The following PATJ variants were observed in gnomAD, a reference collection of about 807,000 sequenced individuals.
The protein encoded by PATJ is PATJ crumbs cell polarity complex component.
In PATJ, 190 loss-of-function variants were observed where a neutral mutation model predicts 224.9. The observed-to-expected ratio is 0.84, with a 90% CI of 0.75 to 0.95. The LOEUF is 0.95. Among genes scored for constraint, PATJ ranks in the 40% least tolerant of loss-of-function variants. PATJ has a pLI of 0.00. For synonymous variants in PATJ, 769 were observed against 820.3 expected (o/e 0.94, Z 1.07); for missense variants, 2,121 against 2,270.3 (o/e 0.93, Z 1.34).
chr1:62,065,061 C>CAA (rs1656181144), intron 31 of PATJ, among the ~76,000 whole-genome samples: 1 of 152,164 alleles, frequency 6.6e-6, no homozygotes, highest in African/African-American at 2.4e-5. Context: ...TTCTTTATCT[C>CAA]TTGTATTCCT....
chr1:61,763,065 G>A lies in PATJ; in HGVS notation c.75G>A (p.Glu25=). 2 of 1,611,626 alleles carry A rather than the reference G, an allele frequency of 1.2e-6. No individual in the cohort carries two copies. Among genetic ancestry groups the A allele is most frequent in the South Asian group, 2.2e-5 (2 of 90,750 alleles). The change falls in exon 3 of 44, where the codon GAG becomes GAA. Residue 25 remains glutamate, a synonymous_variant. Coordinates refer to ENST00000642238, the MANE Select transcript of PATJ (RefSeq NM_001350145.3). The stretch of plus-strand genomic sequence containing the variant: ...ATCGCCTGAAAATGAAATTGCAGGA[G>A]AAGGGTGACACGTCGCAGAATGAGA... ...VLDRLKMKLQ[E]KGDTSQNEKL...
intron 17 of PATJ, among the ~76,000 whole-genome samples, chr1:61,839,596 C>A (rs1313636427): frequency 2.0e-5 from 3 of 151,518 alleles, no homozygotes; most frequent in African/African-American, 7.3e-5. Context: ...TTAAACATGG[C>A]AAGTAGATAT....
chr1:61,950,174 A>T (rs1679427035), intron 27 of PATJ, among the ~76,000 whole-genome samples: 1 of 152,242 alleles, frequency 6.6e-6, no homozygotes. Context: ...GCTGCACTCC[A>T]GCTTGGGTGA....
At chr1:61,914,350 G>C (rs1265406706) in intron 25 of PATJ, among the ~76,000 whole-genome samples, 1 of 152,160 alleles carries the variant, frequency 6.6e-6, no homozygotes, top group Non-Finnish European at 1.5e-5. Context: ...CAGCTACTCA[G>C]GAGGCTGAGG....
chr1:62,069,304 G>A (rs975104588), intron 31 of PATJ, among the ~76,000 whole-genome samples: 2 of 152,252 alleles, frequency 1.3e-5, no homozygotes, highest in South Asian at 4.1e-4. Flanking sequence ...TAATAATTTA[G>A]CCTCTCTGTG....
chr1:61,807,173 A>G (rs1324871324), intron 13 of PATJ, among the ~76,000 whole-genome samples: 1 of 152,090 alleles, frequency 6.6e-6, no homozygotes, highest in Non-Finnish European at 1.5e-5. Flanking sequence ...AACAAAACAA[A>G]AAACAAAAAA....
At chr1:61,745,704 A>G (rs1342829844) in intron 1 of PATJ, among the ~76,000 whole-genome samples, 4 of 151,778 alleles carry the variant, frequency 2.6e-5, no homozygotes, top group African/African-American at 9.7e-5. Context: ...CCCAGGGTCA[A>G]GCGCTTCTCT....
intron 31 of PATJ, among the ~76,000 whole-genome samples, chr1:62,058,037 T>C (rs1397128412): frequency 6.6e-6 from 1 of 152,252 alleles, no homozygotes; most frequent in Non-Finnish European, 1.5e-5. Flanking sequence ...TTTTTCAAAT[T>C]TCCAGTGGTA....
At chr1:62,081,660 T>C (rs1380662995) in intron 32 of PATJ, among the ~76,000 whole-genome samples, 1 of 151,526 alleles carries the variant, frequency 6.6e-6, no homozygotes, top group African/African-American at 2.4e-5. Context: ...CTCTGCCTCC[T>C]GGGTTCAAGT....
chr1:62,137,700 A>G lies in PATJ; in HGVS notation c.5271+8755A>G, dbSNP rs1667093169. ...GGGGGGATAGCAGTTTGTGGGGGGA[A>G]CACAGATTGAGAGGGAAGCAGGCTT... On this transcript the variant is annotated intron_variant, in intron 41 of 43. Transcript: ENST00000642238. Among the ~76,000 whole-genome samples the G allele has an allele frequency of 3.4e-5, 5 of 145,354 alleles. No homozygotes were observed. The South Asian group carries it at 1.2e-3, about 35-fold the overall frequency.
At chr1:61,956,447 C>A (rs1314919645) in intron 27 of PATJ, among the ~76,000 whole-genome samples, 1 of 152,110 alleles carries the variant, frequency 6.6e-6, no homozygotes, top group Non-Finnish European at 1.5e-5. Context: ...TGGAATCTTA[C>A]AAAAGCCAGT....
At chr1:62,128,641 T>A (rs748998190) in intron 40 of PATJ, among the ~76,000 whole-genome samples, 200 bp from the exon 41 acceptor site, 4 of 152,174 alleles carry the variant, frequency 2.6e-5, no homozygotes, top group African/African-American at 7.2e-5. Context: ...TGTGACCCCC[T>A]TCTTGTTGCT....
At chr1:62,135,471 G>A (rs1036140074) in intron 41 of PATJ, among the ~76,000 whole-genome samples, 3 of 134,810 alleles carry the variant, frequency 2.2e-5, no homozygotes, top group African/African-American at 8.5e-5. Flanking sequence ...AGATGAGATC[G>A]CGCCACTGCA....
intron 33 of PATJ, among the ~76,000 whole-genome samples, chr1:62,087,391 G>A (rs547221943): frequency 2.6e-5 from 4 of 151,878 alleles, no homozygotes; most frequent in Non-Finnish European, 2.9e-5. Flanking sequence ...GGGGCGGGGC[G>A]GGCCGTAGGT....
intron 3 of PATJ, among the ~76,000 whole-genome samples, chr1:61,765,856 C>G (rs1284668018): frequency 6.6e-6 from 1 of 152,150 alleles, no homozygotes; most frequent in Non-Finnish European, 1.5e-5. Context: ...AGTACTTACT[C>G]ATAGCAAGCA....
At chr1:62,088,542 C>T (rs985833232) in intron 33 of PATJ, among the ~76,000 whole-genome samples, 2 of 152,138 alleles carry the variant, frequency 1.3e-5, no homozygotes, top group Non-Finnish European at 1.5e-5. Flanking sequence ...GTCATATTCC[C>T]TCTCTACCAT....
chr1:62,020,222 G>T (rs1647002907), intron 29 of PATJ, among the ~76,000 whole-genome samples: 1 of 152,062 alleles, frequency 6.6e-6, no homozygotes, highest in African/African-American at 2.4e-5. Context: ...GCACTTAACA[G>T]TATCAGCATC....
intron 28 of PATJ, among the ~76,000 whole-genome samples, chr1:62,000,963 T>G (rs1181299572): frequency 6.6e-6 from 1 of 151,428 alleles, no homozygotes; most frequent in Admixed American, 6.6e-5. Flanking sequence ...GATGAGCATT[T>G]TTTCATGTGT....
chr1:61,871,427 A>G lies in PATJ; in HGVS notation c.2836-3816A>G, dbSNP rs372907483. ...TGTATATATATACATATATATGTAC[A>G]TATATATGTGTATATACACATATAT... On this transcript the variant is annotated intron_variant, in intron 20 of 43. Transcript: ENST00000642238. Among the ~76,000 whole-genome samples the G allele has an allele frequency of 5.7e-4, 34 of 59,760 alleles. No homozygotes were observed. In the South Asian group the frequency reaches 0.016, roughly 29 times the overall value. The allele number at this position is 59,760 out of a possible 152,430, so 39.2% of individuals were successfully genotyped here.
Sources: allele counts gnomAD v4.1 joint callset (sites outside exome capture counted in the v4.1 genomes callset), GRCh38; gene constraint gnomAD v4.1.1; transcripts MANE v1.5; gene names NCBI Gene and HGNC (gene_info 2026-07-23, HGNC 2026-07-21).